The following RNF152 variants were observed in gnomAD, a reference collection of about 807,000 sequenced individuals.
RNF152 encodes ring finger protein 152.
In RNF152, 11 loss-of-function variants were observed where a neutral mutation model predicts 12.7. That is an observed-to-expected ratio of 0.86 (90% CI 0.54 to 1.43). The LOEUF (loss-of-function observed/expected upper bound fraction) is 1.43, where lower values mean the gene tolerates loss of function less well. Among genes scored for constraint, RNF152 ranks in the 40% most tolerant of loss-of-function variants. RNF152 has a pLI of 0.00. For synonymous variants in RNF152, 113 were observed against 120.3 expected (o/e 0.94, Z 0.40); for missense variants, 255 against 274.8 (o/e 0.93, Z 0.51).
intron 1 of RNF152, among the ~76,000 whole-genome samples, chr18:61,849,652 C>T (rs1052050053): frequency 1.3e-5 from 2 of 152,212 alleles, no homozygotes; most frequent in African/African-American, 2.4e-5. Context: ...ATGGATCTCT[C>T]CTCTACCAAT....
intron 1 of RNF152, among the ~76,000 whole-genome samples, chr18:61,845,802 G>T (rs2144683471): frequency 6.6e-6 from 1 of 151,992 alleles, no homozygotes; most frequent in East Asian, 1.9e-4. Flanking sequence ...CTGACCATAA[G>T]TCTGTTCAAA....
intron 1 of RNF152, among the ~76,000 whole-genome samples, chr18:61,833,324 G>A (rs898713462): frequency 2.6e-5 from 4 of 152,156 alleles, no homozygotes; most frequent in Admixed American, 2.0e-4. Context: ...TCAAGTTATT[G>A]AGTAACTTAA....
In RNF152 at chr18:61,812,075, C is replaced by T. The variant is rs1908830876; in HGVS notation, c.*3777G>A. The T allele has an allele frequency of 6.6e-6, 1 of 152,202 alleles. No individual in the cohort carries two copies. 9.4% of individuals were successfully genotyped at this position (152,202 alleles called of 1,614,324 possible). On this transcript the variant is annotated 3_prime_UTR_variant, in exon 2 of 2. Coordinates refer to ENST00000312828, the MANE Select transcript of RNF152 (RefSeq NM_173557.3). ...TGCATGTCACTAGCCCACAAACTCT[C>T]ACCTTAGCCTCACTGTTACTCCATT... is the stretch of plus-strand genomic sequence containing the variant.
intron 1 of RNF152, among the ~76,000 whole-genome samples, chr18:61,836,359 C>T (rs139229910): frequency 7.0e-4 from 107 of 152,034 alleles, no homozygotes; most frequent in African/African-American, 2.4e-3. Flanking sequence ...CCCCAAAATT[C>T]GTATGTTGAA....
intron 1 of RNF152, among the ~76,000 whole-genome samples, chr18:61,829,597 GGAGA>G (rs111850940): frequency 0.025 from 3,535 of 142,152 alleles, 151 homozygotes; most frequent in African/African-American, 0.086. Context: ...AGAGAGATAA[GGAGA>G]GAGAGAGAGA....
intron 1 of RNF152, among the ~76,000 whole-genome samples, chr18:61,851,959 A>G (rs1911004779): frequency 1.3e-5 from 2 of 152,162 alleles, no homozygotes; most frequent in Non-Finnish European, 2.9e-5. Flanking sequence ...TCATTAAAAT[A>G]ATTTTATCTA....
intron 1 of RNF152, among the ~76,000 whole-genome samples, chr18:61,875,480 C>T (rs1241849622): frequency 2.0e-5 from 3 of 152,130 alleles, no homozygotes; most frequent in African/African-American, 7.2e-5. Context: ...CAGACCTATG[C>T]CTTTACATGG....
upstream of RNF152, among the ~76,000 whole-genome samples, chr18:61,893,927 C>G (rs1913092854): frequency 6.6e-6 from 1 of 151,922 alleles, no homozygotes; most frequent in Non-Finnish European, 1.5e-5. Context: ...CCACCTCCCC[C>G]GTGCCCCGCC....
At chr18:61,866,191 G>T (rs1258915655) in intron 1 of RNF152, among the ~76,000 whole-genome samples, 1 of 152,082 alleles carries the variant, frequency 6.6e-6, no homozygotes, top group Non-Finnish European at 1.5e-5. Context: ...AGCAAACTAG[G>T]TTCTCCCTGC....
At chr18:61,869,239 G>A (rs143415030) in intron 1 of RNF152, among the ~76,000 whole-genome samples, 630 of 152,296 alleles carry the variant, frequency 4.1e-3, no homozygotes, top group Middle Eastern at 0.014. Context: ...AATTTCAACT[G>A]CTAACTCCAC....
chr18:61,875,722 A>G (rs543403264), intron 1 of RNF152, among the ~76,000 whole-genome samples: 1 of 151,958 alleles, frequency 6.6e-6, no homozygotes, highest in Admixed American at 6.5e-5. Context: ...ATGTCTCACC[A>G]CTCATTCAAT....
intron 1 of RNF152, among the ~76,000 whole-genome samples, chr18:61,885,693 A>G (rs1216342416): frequency 6.6e-6 from 1 of 152,230 alleles, no homozygotes; most frequent in African/African-American, 2.4e-5. Flanking sequence ...TAACACTCTC[A>G]TAATGATCAA....
chr18:61,893,903 C>G (rs1913090168), upstream of RNF152: 1 of 152,712 alleles, frequency 6.5e-6, no homozygotes, highest in South Asian at 2.0e-4. Context: ...TCAGGAGACA[C>G]GCAACTCCCG....
At chr18:61,836,997 C>T (rs79784366) in intron 1 of RNF152, among the ~76,000 whole-genome samples, 14,690 of 152,208 alleles carry the variant, frequency 0.097, 705 homozygotes, top group Middle Eastern at 0.12. Context: ...AGAGAGTTAT[C>T]TTTACAGATA....
At chr18:61,825,493 T>G (rs1392975146) in intron 1 of RNF152, among the ~76,000 whole-genome samples, 1 of 152,212 alleles carries the variant, frequency 6.6e-6, no homozygotes, top group Non-Finnish European at 1.5e-5. Context: ...GACAGTGGCA[T>G]TTCCTCTATT....
intron 1 of RNF152, among the ~76,000 whole-genome samples, chr18:61,880,966 T>G (rs777885077): frequency 6.0e-5 from 9 of 149,926 alleles, no homozygotes; most frequent in Non-Finnish European, 1.0e-4. Context: ...CAGGCTGGAG[T>G]GCAGTGATGC....
At chr18:61,821,745 C>T (rs567099306) in intron 1 of RNF152, among the ~76,000 whole-genome samples, 1 of 152,314 alleles carries the variant, frequency 6.6e-6, no homozygotes, top group African/African-American at 2.4e-5. Context: ...CGCCTGAGCT[C>T]CACCTCCCGT....
intron 1 of RNF152, among the ~76,000 whole-genome samples, chr18:61,853,037 G>A (rs944270221): frequency 3.3e-5 from 5 of 152,192 alleles, no homozygotes; most frequent in African/African-American, 1.2e-4. Flanking sequence ...TAACATCTAT[G>A]TAGCACTTTG....
chr18:61,871,168 T>C (rs904184002), intron 1 of RNF152, among the ~76,000 whole-genome samples: 16 of 151,836 alleles, frequency 1.1e-4, no homozygotes, highest in Admixed American at 4.6e-4. Context: ...AGGAAAGGAC[T>C]CACAGAAAGT....
Sources: gnomAD v4.1 joint callset for allele counts (sites outside exome capture counted in the v4.1 genomes callset) on GRCh38, gnomAD v4.1.1 for gene constraint, MANE v1.5 for transcripts, NCBI Gene and HGNC (gene_info 2026-07-23, HGNC 2026-07-21) for gene names.